The following RPL21 variants were observed in gnomAD, a reference collection of about 807,000 sequenced individuals.
RPL21 encodes the protein ribosomal protein L21.
RPL21 carries 1 observed loss-of-function variant against 21.2 expected under a neutral mutation model. The ratio of observed to expected loss-of-function variants is 0.05; its 90% CI spans 0.02 to 0.22. The LOEUF (loss-of-function observed/expected upper bound fraction) is 0.22. Among genes scored for constraint, RPL21 ranks in the 10% least tolerant of loss-of-function variants. The pLI is 1.00. For synonymous variants in RPL21, 52 were observed against 62.9 expected (o/e 0.83, Z 0.82); for missense variants, 113 against 199.4 (o/e 0.57, Z 2.61).
chr13:27,251,726 A>G (rs1881653939), intron 1 of RPL21, 141 bp downstream of exon 1: 1 of 152,600 alleles, frequency 6.6e-6, no homozygotes, highest in African/African-American at 2.4e-5. Flanking sequence ...GGGTTAAACC[A>G]TGTTCTGCCA....
At chr13:27,255,555 C>T in intron 4 of RPL21, 1 of 740,720 alleles carries the variant, frequency 1.4e-6, no homozygotes, top group East Asian at 2.6e-5. Flanking sequence ...AAGTCTTACA[C>T]AGTTAGTTAC....
Position 27,255,614 on chromosome 13 carries a change from C to T in RPL21, c.242+260C>T, listed in dbSNP as rs886730475. The T allele has an allele frequency of 8.9e-5, 51 of 572,078 alleles. No homozygotes were observed. In the East Asian group the frequency reaches 1.7e-3, roughly 19 times the overall value. 35.4% of individuals were successfully genotyped at this position (572,078 alleles called of 1,614,324 possible). A position where few individuals can be genotyped will look rare whatever the true frequency, so the allele number is the denominator to read the frequency against. On this transcript the variant is annotated intron_variant, in intron 4 of 5. Transcript: ENST00000311549. Reference sequence around the variant, plus strand: ...CGAGACGGAGTCTTGCTCTGTCGCCCTGGCTGGAGTGCAGTGGTGGGATCT... The same window carrying T: ...CGAGACGGAGTCTTGCTCTGTCGCCTTGGCTGGAGTGCAGTGGTGGGATCT...
intron 3 of RPL21, 164 bp from the exon 4 acceptor site, chr13:27,255,078 T>A (rs771393673): frequency 1.3e-6 from 1 of 765,966 alleles, no homozygotes; most frequent in African/African-American, 1.7e-5. Context: ...TAATGATGAC[T>A]GTTTTTTTTG....
chr13:27,253,870 A>C (rs1220270921), intron 2 of RPL21, 27 bp downstream of exon 2: 1 of 1,272,040 alleles, frequency 7.9e-7, no homozygotes, highest in African/African-American at 1.5e-5. Flanking sequence ...TCCTTGAGAG[A>C]AGCATGGCAC....
At position 27,256,533 on chromosome 13, in the gene RPL21, TA is replaced by T. The variant is rs376852805; in HGVS notation, c.*19del. On this transcript the variant is annotated 3_prime_UTR_variant, in exon 6 of 6. Transcript: ENST00000311549. ...TATGAATTCATGGCATAATAGGTGT[TA>T]AAAAAAAAAATAAAGGACCTCTGGG... 0.024 allele frequency: 21,734 copies of T among 888,636 alleles called. 74 individuals are homozygous for T. The highest frequency in any genetic ancestry group is 0.027 in the Non-Finnish European group (15,980 of 593,808). 55.0% of individuals were successfully genotyped at this position (888,636 alleles called of 1,614,324 possible).
chr13:27,256,411 A>T, intron 5 of RPL21, 25 bp from the exon 6 acceptor site: 1 of 1,567,762 alleles, frequency 6.4e-7, no homozygotes, highest in Non-Finnish European at 8.8e-7. Context: ...TAATTATTTT[A>T]TTCCCTTTTT....
Position 27,256,255 on chromosome 13 carries a change from T to A in RPL21, c.314T>A (p.Phe105Tyr). ...HIKHSKSRDS[F>Y]LKRVKENDQK... The stretch of plus-strand genomic sequence containing the variant: ...AAGCACTCTAAGAGCCGAGATAGCT[T>A]CCTGAAACGTGTGAAGGAAAATGAT... The change falls in exon 5 of 6, where the codon TTC becomes TAC. Residue 105 changes from phenylalanine (F) to tyrosine (Y), a missense_variant. Phe to Tyr is a conservative substitution (Grantham distance 22). Coordinates refer to ENST00000311549, the MANE Select transcript of RPL21 (RefSeq NM_000982.4). The A allele has an allele frequency of 1.3e-6, 2 of 1,589,718 alleles. No homozygotes were observed. Among genetic ancestry groups the A allele is most frequent in the Non-Finnish European group, 1.7e-6 (2 of 1,162,230 alleles).
chr13:27,252,722 A>G (rs1362454774), intron 1 of RPL21, among the ~76,000 whole-genome samples: 1 of 152,220 alleles, frequency 6.6e-6, no homozygotes, highest in African/African-American at 2.4e-5. Context: ...GGGTTCATCC[A>G]TTGTAACAAT....
intron 4 of RPL21, chr13:27,255,626 C>G (rs892655973): frequency 3.7e-6 from 2 of 541,322 alleles, no homozygotes; most frequent in African/African-American, 3.7e-5. Flanking sequence ...GGCTGGAGTG[C>G]AGTGGTGGGA....
intron 1 of RPL21, among the ~76,000 whole-genome samples, chr13:27,252,908 T>C (rs150520964): frequency 5.8e-4 from 88 of 152,348 alleles, no homozygotes; most frequent in African/African-American, 2.0e-3. Context: ...GTAGGAGTAA[T>C]GGCCAGGAAT....
chr13:27,251,919 T>C (rs1235727476), intron 1 of RPL21: 2 of 152,304 alleles, frequency 1.3e-5, no homozygotes, highest in Non-Finnish European at 2.9e-5. Context: ...TCCGGTACTG[T>C]GGGTGGCCCC....
intron 1 of RPL21, among the ~76,000 whole-genome samples, chr13:27,252,996 A>G (rs1881719732): frequency 6.6e-6 from 1 of 152,246 alleles, no homozygotes. Context: ...GGAAAGGTTA[A>G]TTTCTAAATG....
At chr13:27,254,987 T>C in intron 3 of RPL21, 3 of 646,624 alleles carry the variant, frequency 4.6e-6, no homozygotes, top group South Asian at 1.5e-5. Flanking sequence ...TGAAGATTAC[T>C]ATTACTATGA....
At chr13:27,255,486 C>G (rs772792874) in intron 4 of RPL21, 132 bp downstream of exon 4, 14 of 766,158 alleles carry the variant, frequency 1.8e-5, no homozygotes, top group Non-Finnish European at 3.4e-5. Flanking sequence ...AAAACTCAGG[C>G]AAACTGGGTG....
chr13:27,253,072 C>T (rs1024450698), intron 1 of RPL21, among the ~76,000 whole-genome samples: 1 of 152,162 alleles, frequency 6.6e-6, no homozygotes, highest in Non-Finnish European at 1.5e-5. Flanking sequence ...TTTACACGGG[C>T]CAAGCATTGC....
chr13:27,255,541 T>C (rs1881860391), intron 4 of RPL21, 187 bp downstream of exon 4: 1 of 751,764 alleles, frequency 1.3e-6, no homozygotes, highest in Non-Finnish European at 2.4e-6. Flanking sequence ...ATAGATTTAC[T>C]GGAAAGTCTT....
intron 5 of RPL21, 49 bp from the exon 6 acceptor site, chr13:27,256,386 AT>A: frequency 6.4e-7 from 1 of 1,573,006 alleles, no homozygotes; most frequent in Non-Finnish European, 8.7e-7. Flanking sequence ...TAAGGTTGAG[AT>A]TTAACACATC....
chr13:27,254,830 T>C, intron 3 of RPL21: 1 of 355,472 alleles, frequency 2.8e-6, no homozygotes, highest in South Asian at 2.2e-5. Context: ...CTAGAATGGA[T>C]TTTTTAAAGT....
rs1566039593 is a variant in RPL21, at chr13:27,256,136, CT to C, written c.243-47del. 2.1e-6 allele frequency: 3 copies of C among 1,430,430 alleles called. No homozygotes were observed. The Admixed American group carries it at 5.8e-5, about 28-fold the overall frequency. The allele number at this position is 1,430,430 out of a possible 1,614,324, so 88.6% of individuals were successfully genotyped here. Reference sequence around the variant, plus strand: ...ACTGCAAAATCAGTTTTCTACATTTCTGTTATATTTTTGTTAAAGCACTTAA... The same window carrying C: ...ACTGCAAAATCAGTTTTCTACATTTCGTTATATTTTTGTTAAAGCACTTAA... On this transcript the variant is annotated intron_variant, in intron 4 of 5. Transcript: ENST00000311549.
Sources: allele counts gnomAD v4.1 joint callset (sites outside exome capture counted in the v4.1 genomes callset), GRCh38; gene constraint gnomAD v4.1.1; transcripts MANE v1.5; gene names NCBI Gene and HGNC (gene_info 2026-07-23, HGNC 2026-07-21).